The following EPB41L2 variants were observed in gnomAD, a reference collection of about 807,000 sequenced individuals.
The protein encoded by EPB41L2 is erythrocyte membrane protein band 4.1 like 2.
In EPB41L2, 43 loss-of-function variants were observed where a neutral mutation model predicts 113.0. The ratio of observed to expected loss-of-function variants is 0.38; its 90% CI spans 0.30 to 0.49. The LOEUF is 0.49. EPB41L2 is among the 20% of genes least tolerant of loss of function. The pLI, the probability that EPB41L2 is intolerant of heterozygous loss-of-function variation, is 0.95. For missense variants in EPB41L2, 1,147 were observed against 1,223.4 expected (o/e 0.94, Z 0.93); for synonymous variants, 442 against 436.7 (o/e 1.01, Z -0.15).
intron 1 of EPB41L2, among the ~76,000 whole-genome samples, chr6:130,995,557 C>A (rs1431568226): frequency 1.3e-5 from 2 of 152,200 alleles, no homozygotes; most frequent in Non-Finnish European, 1.5e-5. Context: ...CCACCACGGG[C>A]ACATGTCTTC....
chr6:131,033,774 G>A (rs1161936733), intron 1 of EPB41L2, among the ~76,000 whole-genome samples: 1 of 152,124 alleles, frequency 6.6e-6, no homozygotes, highest in South Asian at 2.1e-4. Flanking sequence ...AGTTACCTGG[G>A]GCTGCAAGGA....
rs11452626 is a variant in EPB41L2 at position 130,875,984 on chromosome 6, CA to C, written c.2043+2119del. ...CGGGCGAATGTGCAAGAGTGCATCT[CA>C]AAAAAAAAAAAAAGAAGAAAGAAAA... On this transcript the variant is annotated intron_variant, in intron 14 of 19. Transcript: ENST00000337057. Among the ~76,000 whole-genome samples the C allele has an allele frequency of 0.023, 2,982 of 128,404 alleles. 176 individuals carry two copies. In the East Asian group the frequency reaches 0.26, roughly 11 times the overall value. 84.2% of individuals were successfully genotyped at this position (128,404 alleles called of 152,430 possible). A position where few individuals can be genotyped will look rare whatever the true frequency, so the allele number is the denominator to read the frequency against.
chr6:130,861,085 A>T (rs1037719672), intron 18 of EPB41L2, among the ~76,000 whole-genome samples: 5 of 151,052 alleles, frequency 3.3e-5, no homozygotes, highest in African/African-American at 1.2e-4. Context: ...TAATTTTTTT[A>T]ATTTTGAGAT....
At chr6:130,894,185 T>C (rs1793853555) in intron 10 of EPB41L2, among the ~76,000 whole-genome samples, 159 bp downstream of exon 10, 1 of 152,144 alleles carries the variant, frequency 6.6e-6, no homozygotes, top group Non-Finnish European at 1.5e-5. Context: ...CTGTTTTCTT[T>C]CTTTCTTAGA....
chr6:130,996,383 G>A (rs1343283636), intron 1 of EPB41L2, among the ~76,000 whole-genome samples: 5 of 121,282 alleles, frequency 4.1e-5, no homozygotes, highest in African/African-American at 1.6e-4. Context: ...AAATCAGTGA[G>A]CTGGCCCCTC....
intron 5 of EPB41L2, 22 bp downstream of exon 5, chr6:130,908,799 G>A (rs1798472484): frequency 3.2e-6 from 5 of 1,565,736 alleles, no homozygotes; most frequent in Non-Finnish European, 4.4e-6. Context: ...TAACTTCAAA[G>A]AATGATTATT....
chr6:131,006,088 G>A (rs986432385), intron 1 of EPB41L2, among the ~76,000 whole-genome samples: 1 of 151,690 alleles, frequency 6.6e-6, no homozygotes, highest in African/African-American at 2.4e-5. Context: ...ATGGAGTTTC[G>A]CTCTGTCAAC....
In EPB41L2 at chr6:130,894,362, T is replaced by A; in HGVS notation, c.1469A>T (p.Glu490Val). Residue 490 changes from glutamate to valine, a missense_variant, in exon 10 of 20, where the codon GAG (glutamate) becomes GTG (valine). Physicochemically the swap from Glu to Val is moderately radical, Grantham distance 121 (BLOSUM62 -2). Transcript: ENST00000337057. Reference protein sequence around the residue: ...AAKRLWKVCVEHHTFYRLVSP... With the variant: ...AAKRLWKVCVVHHTFYRLVSP... ...AAATTACCTGTAGAAAGTATGATGC[T>A]CCACGCACACTTTCCATAGTCTTTT... is the stretch of plus-strand genomic sequence containing the variant. 6.2e-7 allele frequency: 1 copy of A among 1,613,712 alleles called. No individual in the cohort carries two copies. The highest frequency in any genetic ancestry group is 8.5e-7 in the Non-Finnish European group (1 of 1,179,740).
At position 130,957,667 on chromosome 6, in the gene EPB41L2, A is replaced by G. The variant is rs181375806; in HGVS notation, c.-14-1168T>C. ...AAATTGTGTTAACTTTTTAAGTGGT[A>G]CAAACTTGAATAAGTCAAAAAAAAA... is the stretch of plus-strand genomic sequence containing the variant. On this transcript the variant is annotated intron_variant, in intron 1 of 19. Transcript: ENST00000337057. Among the ~76,000 whole-genome samples, 1,304 of 150,824 alleles carry G rather than the reference A, an allele frequency of 8.6e-3. 10 individuals are homozygous for G. The highest frequency in any genetic ancestry group is 0.021 in the South Asian group (100 of 4,768).
At chr6:130,996,214 T>C (rs1409899306) in intron 1 of EPB41L2, among the ~76,000 whole-genome samples, 1 of 152,228 alleles carries the variant, frequency 6.6e-6, no homozygotes, top group Non-Finnish European at 1.5e-5. Flanking sequence ...ATTGTGTATT[T>C]ATCTTTAAAA....
At chr6:130,855,300 G>A (rs1031026745) in intron 19 of EPB41L2, among the ~76,000 whole-genome samples, 6 of 152,050 alleles carry the variant, frequency 3.9e-5, no homozygotes, top group Non-Finnish European at 5.9e-5. Flanking sequence ...GAAGTGAACC[G>A]AGATTGCGCC....
chr6:130,895,456 C>T (rs1484459528), intron 8 of EPB41L2, among the ~76,000 whole-genome samples: 1 of 152,096 alleles, frequency 6.6e-6, no homozygotes, highest in Non-Finnish European at 1.5e-5. Context: ...CCTGAAGATA[C>T]GGGAAATAAA....
intron 1 of EPB41L2, among the ~76,000 whole-genome samples, chr6:131,009,301 T>C (rs1283652060): frequency 6.6e-6 from 1 of 152,172 alleles, no homozygotes; most frequent in Non-Finnish European, 1.5e-5. Flanking sequence ...CCTTCCACCA[T>C]GATTGTAAGC....
intron 5 of EPB41L2, 149 bp downstream of exon 5, chr6:130,908,672 T>C (rs1425364667): frequency 1.1e-5 from 6 of 536,524 alleles, no homozygotes; most frequent in Non-Finnish European, 1.9e-5. Flanking sequence ...TACGAAACAG[T>C]CACAATTCCA....
chr6:130,933,901 A>AAAAC (rs1411653117), intron 3 of EPB41L2, among the ~76,000 whole-genome samples: 7 of 152,140 alleles, frequency 4.6e-5, no homozygotes, highest in African/African-American at 1.7e-4. Flanking sequence ...AAACACCATC[A>AAAAC]CTGTCTCCGT....
intron 1 of EPB41L2, among the ~76,000 whole-genome samples, chr6:130,995,868 C>T (rs1434261472): frequency 6.6e-6 from 1 of 152,218 alleles, no homozygotes; most frequent in Non-Finnish European, 1.5e-5. Flanking sequence ...TATCCTCCTT[C>T]CCAATCCTTT....
intron 14 of EPB41L2, among the ~76,000 whole-genome samples, chr6:130,873,535 G>A (rs1256783928): frequency 1.3e-5 from 2 of 149,358 alleles, no homozygotes; most frequent in African/African-American, 5.0e-5. Context: ...CCGCGATCTC[G>A]GCTCACTGCA....
intron 1 of EPB41L2, among the ~76,000 whole-genome samples, chr6:131,044,114 T>C (rs1333369832): frequency 1.3e-5 from 2 of 150,190 alleles, no homozygotes; most frequent in African/African-American, 2.5e-5. Context: ...CTTGACCTCC[T>C]GAGCTCAGGA....
At chr6:130,966,849 C>T (rs1283049983) in intron 1 of EPB41L2, among the ~76,000 whole-genome samples, 1 of 152,162 alleles carries the variant, frequency 6.6e-6, no homozygotes, top group East Asian at 1.9e-4. Context: ...AACATCGACT[C>T]CAGCTCAGCA....
Sources: gnomAD v4.1 joint callset for allele counts (sites outside exome capture counted in the v4.1 genomes callset) on GRCh38, gnomAD v4.1.1 for gene constraint, MANE v1.5 for transcripts, NCBI Gene and HGNC (gene_info 2026-07-23, HGNC 2026-07-21) for gene names.